Variants in ARHGAP26 observed in about 807,000 individuals in gnomAD.
ARHGAP26 encodes the protein Rho GTPase activating protein 26.
In ARHGAP26, 38 loss-of-function variants were observed where a neutral mutation model predicts 104.8. That is an observed-to-expected ratio of 0.36 (90% CI 0.28 to 0.48). The LOEUF is 0.48. Ranked by LOEUF, ARHGAP26 falls within the 20% of genes least tolerant of loss-of-function variation. The pLI is 0.99. For synonymous variants in ARHGAP26, 341 were observed against 340.0 expected (o/e 1.00, Z -0.03); for missense variants, 704 against 947.9 (o/e 0.74, Z 3.38).
intron 20 of ARHGAP26, chr5:143,172,839 AT>A (rs777472164): frequency 1.8e-5 from 3 of 163,202 alleles, no homozygotes; most frequent in Non-Finnish European, 4.0e-5. Context: ...TGTATTCTAA[AT>A]TGAGGTCTGT....
intron 1 of ARHGAP26, among the ~76,000 whole-genome samples, chr5:142,837,356 T>G (rs991905164): frequency 6.6e-6 from 1 of 152,126 alleles, no homozygotes; most frequent in Non-Finnish European, 1.5e-5. Flanking sequence ...TCTGTTTTTT[T>G]TTTTCACCCT....
intron 16 of ARHGAP26, among the ~76,000 whole-genome samples, 163 bp downstream of exon 16, chr5:143,056,249 A>C (rs955262945): frequency 3.3e-5 from 5 of 152,092 alleles, no homozygotes; most frequent in African/African-American, 1.2e-4. Flanking sequence ...AAAAGGAAAC[A>C]AATAGGGATT....
chr5:142,836,043 A>G (rs1424742939), intron 1 of ARHGAP26, among the ~76,000 whole-genome samples: 1 of 152,192 alleles, frequency 6.6e-6, no homozygotes, highest in Non-Finnish European at 1.5e-5. Context: ...GGGCATTGGT[A>G]CCCTTTCTTG....
intron 1 of ARHGAP26, among the ~76,000 whole-genome samples, chr5:142,850,100 T>C (rs1251783615): frequency 6.6e-6 from 1 of 152,210 alleles, no homozygotes; most frequent in Admixed American, 6.5e-5. Flanking sequence ...CATGCCCTCA[T>C]TGTGTTCCCT....
Position 143,207,597 on chromosome 5 carries a change from C to A in ARHGAP26, c.2099+289C>A, listed in dbSNP as rs181560928. ...GACCAGAGCTAAAAGGGACCATTTG[C>A]ATGAATCAGCATGGCATTTTTCACA... On this transcript the variant is annotated intron_variant, in intron 21 of 22. Transcript: ENST00000645722. The A allele has an allele frequency of 9.8e-5, 111 of 1,128,708 alleles. 2 individuals are homozygous for A. In the East Asian group the frequency reaches 1.7e-3, roughly 17 times the overall value. 69.9% of individuals were successfully genotyped at this position (1,128,708 alleles called of 1,614,324 possible).
At chr5:142,905,070 G>T (rs1760919643) in intron 8 of ARHGAP26, among the ~76,000 whole-genome samples, 1 of 152,122 alleles carries the variant, frequency 6.6e-6, no homozygotes, top group Non-Finnish European at 1.5e-5. Flanking sequence ...AGCTACTTCA[G>T]CTGTGTGTTT....
At chr5:143,123,593 C>T (rs755794871) in intron 18 of ARHGAP26, among the ~76,000 whole-genome samples, 3 of 152,162 alleles carry the variant, frequency 2.0e-5, no homozygotes, top group Admixed American at 6.6e-5. Flanking sequence ...GGTTCACACC[C>T]GTAATCCCAG....
intron 17 of ARHGAP26, among the ~76,000 whole-genome samples, chr5:143,074,263 G>T (rs1788672593): frequency 6.6e-6 from 1 of 152,122 alleles, no homozygotes; most frequent in Non-Finnish European, 1.5e-5. Context: ...TTTTGTGTGT[G>T]TGTTTCTGCA....
chr5:143,017,608 G>A (rs1052258901), intron 12 of ARHGAP26, among the ~76,000 whole-genome samples: 1 of 152,148 alleles, frequency 6.6e-6, no homozygotes, highest in East Asian at 1.9e-4. Flanking sequence ...GATAAATGGT[G>A]TGTGTTAATA....
intron 1 of ARHGAP26, among the ~76,000 whole-genome samples, chr5:142,778,589 T>C (rs997904776): frequency 7.9e-5 from 12 of 152,248 alleles, no homozygotes; most frequent in Admixed American, 3.9e-4. Flanking sequence ...TATGTGGATA[T>C]GCCATAGTTG....
At chr5:143,044,175 T>C (rs775950174) in intron 14 of ARHGAP26, among the ~76,000 whole-genome samples, 4 of 152,160 alleles carry the variant, frequency 2.6e-5, no homozygotes, top group Middle Eastern at 3.2e-3. Context: ...AGAAGACAAT[T>C]CAGAATAGTT....
At chr5:143,156,523 T>C (rs1800480267) in intron 20 of ARHGAP26, among the ~76,000 whole-genome samples, 1 of 152,174 alleles carries the variant, frequency 6.6e-6, no homozygotes, top group Non-Finnish European at 1.5e-5. Context: ...ACCTATAGGA[T>C]CAGCATATTC....
intron 1 of ARHGAP26, among the ~76,000 whole-genome samples, chr5:142,786,654 A>ATTTTTTTTTTTTTTTTTTTTTTTTTTT (rs70991779): frequency 9.6e-6 from 1 of 104,444 alleles, no homozygotes. Context: ...GAGTTCTAGA[A>ATTTTTTTTTTTTTTTTTTTTTTTTTTT]TTTTTTTTTT....
chr5:142,872,365 C>T (rs1357669861), intron 1 of ARHGAP26, among the ~76,000 whole-genome samples: 1 of 152,116 alleles, frequency 6.6e-6, no homozygotes, highest in African/African-American at 2.4e-5. Flanking sequence ...TAAAGCCAGG[C>T]CTTGTTGCTG....
chr5:143,187,979 C>G (rs747698392), intron 20 of ARHGAP26, among the ~76,000 whole-genome samples: 2 of 152,194 alleles, frequency 1.3e-5, no homozygotes, highest in South Asian at 4.1e-4. Context: ...TGAGAGCATT[C>G]CATCTCACAG....
intron 17 of ARHGAP26, among the ~76,000 whole-genome samples, chr5:143,105,231 G>A (rs1024519894): frequency 3.3e-5 from 5 of 151,924 alleles, no homozygotes; most frequent in African/African-American, 4.8e-5. Flanking sequence ...CAAAAAATTA[G>A]CTAGGCATGG....
At chr5:142,963,227 T>TGTGTGTGTGC in intron 11 of ARHGAP26, among the ~76,000 whole-genome samples, 1 of 146,302 alleles carries the variant, frequency 6.8e-6, no homozygotes, top group South Asian at 2.1e-4. Context: ...TGTGCGCGTG[T>TGTGTGTGTGC]GTGTGTGTAC....
chr5:143,076,488 C>T (rs1038420852), intron 17 of ARHGAP26, among the ~76,000 whole-genome samples: 3 of 152,124 alleles, frequency 2.0e-5, no homozygotes, highest in African/African-American at 4.8e-5. Flanking sequence ...TATAATCTTT[C>T]ATGTATATAT....
intron 1 of ARHGAP26, among the ~76,000 whole-genome samples, chr5:142,850,953 A>G (rs970445204): frequency 1.4e-4 from 21 of 152,244 alleles, no homozygotes; most frequent in Admixed American, 5.9e-4. Context: ...TGCAGTGTCA[A>G]CCAGGCCACA....
Sources: gnomAD v4.1 joint callset for allele counts (sites outside exome capture counted in the v4.1 genomes callset) on GRCh38, gnomAD v4.1.1 for gene constraint, MANE v1.5 for transcripts, NCBI Gene and HGNC (gene_info 2026-07-23, HGNC 2026-07-21) for gene names.